AFAP1: variants seen among roughly 807,000 people sequenced by gnomAD.
The protein encoded by AFAP1 is actin filament-associated protein 1.
AFAP1 carries 75 observed loss-of-function variants against 93.9 expected under a neutral mutation model. The observed-to-expected ratio is 0.80, with a 90% CI of 0.66 to 0.97. The LOEUF (loss-of-function observed/expected upper bound fraction) is 0.97. Among genes scored for constraint, AFAP1 ranks in the 50% least tolerant of loss-of-function variants. The pLI is 0.00. For synonymous variants in AFAP1, 517 were observed against 430.7 expected (o/e 1.20, Z -2.48); for missense variants, 1,201 against 1,050.8 (o/e 1.14, Z -1.98).
chr4:7,841,308 C>A (rs1712983756), intron 5 of AFAP1, among the ~76,000 whole-genome samples: 1 of 152,038 alleles, frequency 6.6e-6, no homozygotes, highest in Non-Finnish European at 1.5e-5. Flanking sequence ...CCCACACACA[C>A]ACACTGAATG....
rs947506132 is a variant in AFAP1 at position 7,762,256 on chromosome 4, G to GAGTC, written c.*1505_*1508dup. On this transcript the variant is annotated 3_prime_UTR_variant, in exon 18 of 18. Transcript: ENST00000420658. ...AAAGTATGTCTGGGGGAAACCCAAGGAGTCAGTCAGTGTTTTCCCGCCATC... is the reference window on the plus strand; with the variant it reads ...AAAGTATGTCTGGGGGAAACCCAAGGAGTCAGTCAGTCAGTGTTTTCCCGCCATC... 4.6e-5 allele frequency: 7 copies of GAGTC among 152,220 alleles called. No individual in the cohort carries two copies. The highest frequency in any genetic ancestry group is 1.7e-4 in the African/African-American group (7 of 41,450). 9.4% of individuals were successfully genotyped at this position (152,220 alleles called of 1,614,324 possible). A position where few individuals can be genotyped will look rare whatever the true frequency, so the allele number is the denominator to read the frequency against.
chr4:7,862,637 A>C (rs765210587), intron 3 of AFAP1, among the ~76,000 whole-genome samples: 1 of 152,196 alleles, frequency 6.6e-6, no homozygotes, highest in Admixed American at 6.5e-5. Context: ...ACTTGGCTAT[A>C]ATCTGCTGGC....
intron 10 of AFAP1, 123 bp from the exon 11 acceptor site, chr4:7,793,949 C>T (rs570506208): frequency 1.8e-4 from 208 of 1,146,246 alleles, no homozygotes; most frequent in South Asian, 7.9e-4. Context: ...TAAGAAGAAA[C>T]GAAAAGGAAG....
intron 9 of AFAP1, among the ~76,000 whole-genome samples, chr4:7,802,640 T>TTC (rs1491559174): frequency 5.3e-4 from 3 of 5,664 alleles, no homozygotes; most frequent in African/African-American, 2.7e-3. Flanking sequence ...ACATTTATTC[T>TTC]TTTTTTTTTT....
intron 6 of AFAP1, among the ~76,000 whole-genome samples, chr4:7,833,577 G>C (rs1411288092): frequency 6.9e-6 from 1 of 144,272 alleles, no homozygotes; most frequent in Non-Finnish European, 1.5e-5. Flanking sequence ...ATGGAAAACA[G>C]TGTGGAGATG....
At chr4:7,905,787 C>CCTT in intron 1 of AFAP1, among the ~76,000 whole-genome samples, 1 of 152,330 alleles carries the variant, frequency 6.6e-6, no homozygotes, top group Non-Finnish European at 1.5e-5. Context: ...ACAATCACAA[C>CCTT]CTTCACACAG....
intron 16 of AFAP1, among the ~76,000 whole-genome samples, chr4:7,770,675 CAGGTGTCTGGAGGTCAGGA>C (rs1715305533): frequency 6.6e-6 from 1 of 152,086 alleles, no homozygotes; most frequent in African/African-American, 2.4e-5. Context: ...AGGATCCTCC[CAGGTGTCTGGAGGTCAGGA>C]AGGATGAGAT....
intron 4 of AFAP1, among the ~76,000 whole-genome samples, chr4:7,845,494 A>G (rs964177906): frequency 2.0e-5 from 3 of 152,130 alleles, no homozygotes; most frequent in South Asian, 2.1e-4. Context: ...AACTTTGGCA[A>G]TGGCACTAGG....
At chr4:7,775,652 CA>C (rs1379000481) in intron 14 of AFAP1, 1 of 152,138 alleles carries the variant, frequency 6.6e-6, no homozygotes, top group Admixed American at 6.6e-5. Context: ...CATGAAGAGG[CA>C]ACCAGGAGCG....
intron 6 of AFAP1, among the ~76,000 whole-genome samples, chr4:7,837,741 G>A (rs1712476767): frequency 6.6e-6 from 1 of 152,164 alleles, no homozygotes; most frequent in Non-Finnish European, 1.5e-5. Flanking sequence ...GGTTAGGGCT[G>A]GACACGATGG....
chr4:7,929,007 G>T (rs952535353), intron 1 of AFAP1, among the ~76,000 whole-genome samples: 1 of 152,218 alleles, frequency 6.6e-6, no homozygotes, highest in Non-Finnish European at 1.5e-5. Flanking sequence ...CACTCCGATC[G>T]CAGAGGCTTC....
chr4:7,860,738 C>T (rs895249419), intron 3 of AFAP1, among the ~76,000 whole-genome samples: 3 of 152,140 alleles, frequency 2.0e-5, no homozygotes, highest in South Asian at 2.1e-4. Flanking sequence ...TACCACACAG[C>T]GGGCTGAGCG....
At chr4:7,809,896 G>A (rs1158302050) in intron 8 of AFAP1, 133 bp from the exon 9 acceptor site, 1 of 1,049,290 alleles carries the variant, frequency 9.5e-7, no homozygotes, top group Admixed American at 2.8e-5. Context: ...GTCTCACTCT[G>A]TCCCCTGGCT....
At chr4:7,809,531 T>A in intron 9 of AFAP1, 83 bp downstream of exon 9, 1 of 1,476,744 alleles carries the variant, frequency 6.8e-7, no homozygotes. Flanking sequence ...GAGCCTTGGA[T>A]GAACTGGGTA....
intron 1 of AFAP1, among the ~76,000 whole-genome samples, chr4:7,891,925 G>A (rs779231672): frequency 5.9e-5 from 9 of 151,968 alleles, no homozygotes; most frequent in Non-Finnish European, 1.3e-4. Context: ...GTGGTGGTAG[G>A]CACTTGTAAT....
chr4:7,933,199 G>A (rs958389717), intron 1 of AFAP1, among the ~76,000 whole-genome samples: 1 of 151,980 alleles, frequency 6.6e-6, no homozygotes, highest in Non-Finnish European at 1.5e-5. Flanking sequence ...CACACGGCAT[G>A]GCCAAAGGGC....
At chr4:7,839,723 G>A (rs1712762079) in intron 5 of AFAP1, among the ~76,000 whole-genome samples, 1 of 152,080 alleles carries the variant, frequency 6.6e-6, no homozygotes, top group Non-Finnish European at 1.5e-5. Flanking sequence ...ATCTTTATCT[G>A]TAAAACTGAG....
At chr4:7,925,613 G>A (rs143698857) in intron 1 of AFAP1, among the ~76,000 whole-genome samples, 2 of 152,102 alleles carry the variant, frequency 1.3e-5, no homozygotes, top group Admixed American at 6.6e-5. Flanking sequence ...TTGGGTGGCC[G>A]AGTCAGGCGG....
At chr4:7,833,175 C>T (rs1711834348) in intron 6 of AFAP1, among the ~76,000 whole-genome samples, 1 of 152,156 alleles carries the variant, frequency 6.6e-6, no homozygotes, top group African/African-American at 2.4e-5. Flanking sequence ...AACTAAGGAG[C>T]TTTTTCATGG....
Sources: gnomAD v4.1 joint callset for allele counts (sites outside exome capture counted in the v4.1 genomes callset) on GRCh38, gnomAD v4.1.1 for gene constraint, MANE v1.5 for transcripts, NCBI Gene and HGNC (gene_info 2026-07-23, HGNC 2026-07-21) for gene names.